Variants in APBA2 observed in about 807,000 individuals in gnomAD.
The protein encoded by APBA2 is amyloid beta precursor protein binding family A member 2, also known as amyloid-beta A4 precursor protein-binding family A member 2.
Under a neutral mutation model 75.0 loss-of-function variants are expected in APBA2, and 30 were observed. The observed-to-expected ratio is 0.40, with a 90% CI of 0.30 to 0.54. The LOEUF (loss-of-function observed/expected upper bound fraction) is 0.54, where lower values mean the gene tolerates loss of function less well. Among genes scored for constraint, APBA2 ranks in the 20% least tolerant of loss-of-function variants. The probability of loss-of-function intolerance (pLI) is 0.49; values close to 1 mark genes in which losing one functional copy is unlikely to be tolerated. For missense variants in APBA2, 801 were observed against 1,016.1 expected (o/e 0.79, Z 2.88); for synonymous variants, 444 against 409.6 (o/e 1.08, Z -1.01).
In APBA2 at chr15:28,963,060, G is replaced by T. The variant is rs529411496; in HGVS notation, c.-94-32693G>T. On this transcript the variant is annotated intron_variant, in intron 2 of 14. Transcript: ENST00000683413. ...CTAGGTGGGTGGCAGGTGCACTGGG[G>T]ACTGAATGGGATGCTGTGGCAGAGA... Among the ~76,000 whole-genome samples, 12 of 152,350 alleles carry T rather than the reference G, an allele frequency of 7.9e-5. No individual in the cohort carries two copies. The South Asian group carries it at 1.0e-3, about 13-fold the overall frequency.
At chr15:29,022,550 T>C (rs948632737) in intron 3 of APBA2, among the ~76,000 whole-genome samples, 1 of 152,206 alleles carries the variant, frequency 6.6e-6, no homozygotes, top group Non-Finnish European at 1.5e-5. Context: ...GCAAAGTTTA[T>C]AACCCATTCC....
At chr15:29,086,208 C>G (rs1484261409) in intron 6 of APBA2, among the ~76,000 whole-genome samples, 2 of 152,214 alleles carry the variant, frequency 1.3e-5, no homozygotes, top group African/African-American at 4.8e-5. Context: ...GGCCAGCGGC[C>G]TGGTGAGAGA....
intron 1 of APBA2, among the ~76,000 whole-genome samples, chr15:28,892,500 T>C (rs1417511808): frequency 6.6e-6 from 1 of 152,190 alleles, no homozygotes; most frequent in Admixed American, 6.5e-5. Context: ...CTGGGAGCAA[T>C]GGCCTGTAAC....
At chr15:29,039,995 G>A (rs12912104) in intron 3 of APBA2, among the ~76,000 whole-genome samples, 25,591 of 152,164 alleles carry the variant, frequency 0.17, 3,197 homozygotes, top group Non-Finnish European at 0.26. Flanking sequence ...GACTGATTTG[G>A]GAAATAGCAC....
intron 2 of APBA2, among the ~76,000 whole-genome samples, chr15:28,930,125 C>T (rs2034485193): frequency 6.6e-6 from 1 of 152,210 alleles, no homozygotes; most frequent in African/African-American, 2.4e-5. Flanking sequence ...CCTGACAGTG[C>T]AGCCCCCCAA....
chr15:28,906,621 C>T lies in APBA2; in HGVS notation c.-204-15019C>T, dbSNP rs184213233. 2.1e-3 allele frequency among the ~76,000 whole-genome samples: 315 copies of T among 152,260 alleles called. 3 individuals carry two copies. Among genetic ancestry groups the T allele is most frequent in the African/African-American group, 7.3e-3 (304 of 41,538 alleles). The stretch of plus-strand genomic sequence containing the variant: ...TAAATGATGCTGGTGTGTGGGGCAG[C>T]GGTGTCCCCACTGACACTCTCTGGA... On this transcript the variant is annotated intron_variant, in intron 1 of 14. Coordinates refer to ENST00000683413, the MANE Select transcript of APBA2 (RefSeq NM_001353788.2).
At chr15:29,113,227 G>A (rs893253731) in intron 13 of APBA2, among the ~76,000 whole-genome samples, 27 of 152,148 alleles carry the variant, frequency 1.8e-4, no homozygotes, top group African/African-American at 4.3e-4. Flanking sequence ...TCTGTTTGGC[G>A]TCACTTTTAG....
At chr15:29,103,866 C>T (rs117880400) in intron 10 of APBA2, among the ~76,000 whole-genome samples, 18,197 of 152,272 alleles carry the variant, frequency 0.12, 1,277 homozygotes, top group East Asian at 0.29. Context: ...GGGCGCTGCC[C>T]CCGGCCCTCC....
chr15:28,994,323 G>A (rs1348129654), intron 2 of APBA2, among the ~76,000 whole-genome samples: 2 of 152,146 alleles, frequency 1.3e-5, no homozygotes, highest in Admixed American at 1.3e-4. Context: ...TGCGGAAAGC[G>A]TGTGTGTGAT....
chr15:28,930,027 C>T lies in APBA2; in HGVS notation c.-95+8278C>T, dbSNP rs571935783. 2.0e-4 allele frequency among the ~76,000 whole-genome samples: 31 copies of T among 152,050 alleles called. 3 individuals carry two copies. The highest frequency in any genetic ancestry group is 1.8e-3 in the Admixed American group (27 of 15,286). ...ACCTAGAGGGTAAAACTGGCCCATT[C>T]GCATCTCTATAAAAACAGGTAGGAA... On this transcript the variant is annotated intron_variant, in intron 2 of 14. Coordinates refer to ENST00000683413, the MANE Select transcript of APBA2 (RefSeq NM_001353788.2).
chr15:28,943,750 T>TCCAGCCCTGGCTCCTCCAGCCCTGGCC (rs2035372638), intron 2 of APBA2, among the ~76,000 whole-genome samples: 1 of 152,026 alleles, frequency 6.6e-6, no homozygotes, highest in African/African-American at 2.4e-5. Context: ...CAGCCCTGGC[T>TCCAGCCCTGGCTCCTCCAGCCCTGGCC]CCTCCAGCCC....
chr15:28,905,467 A>G (rs1434151408), intron 1 of APBA2, among the ~76,000 whole-genome samples: 1 of 152,222 alleles, frequency 6.6e-6, no homozygotes, highest in East Asian at 1.9e-4. Context: ...AGAAGTCTTT[A>G]ATAACTAGAG....
At position 29,105,464 on chromosome 15, in the gene APBA2, A is replaced by C; in HGVS notation, c.1610A>C (p.Asp537Ala). 6.2e-7 allele frequency: 1 copy of C among 1,613,944 alleles called. No individual in the cohort carries two copies. Among genetic ancestry groups the C allele is most frequent in the Non-Finnish European group, 8.5e-7 (1 of 1,180,020 alleles). ...CGAGCCAATGGCATCAACCCCGAAG[A>C]CTTGAGCCAGAAGGAATACAGCGAC... ...FLRANGINPE[D>A]LSQKEYSDII... The change falls in exon 11 of 15, where the codon GAC (aspartate) becomes GCC (alanine). Residue 537 changes from aspartate to alanine, a missense_variant. Asp to Ala is a moderately radical substitution (Grantham distance 126). This residue lies in a region of APBA2 where 367 missense variants were observed against 544.5 expected (regional missense o/e 0.67). Transcript: ENST00000683413.
At chr15:28,955,930 T>C (rs2036145607) in intron 2 of APBA2, among the ~76,000 whole-genome samples, 1 of 152,124 alleles carries the variant, frequency 6.6e-6, no homozygotes, top group African/African-American at 2.4e-5. Flanking sequence ...CGTGGACCCG[T>C]AGCTCAGCAA....
intron 4 of APBA2, among the ~76,000 whole-genome samples, chr15:29,056,541 T>C (rs1041788816): frequency 2.5e-4 from 37 of 145,332 alleles, no homozygotes; most frequent in African/African-American, 8.7e-4. Flanking sequence ...CCCTCCCTCC[T>C]TTCTGTCCTT....
intron 2 of APBA2, among the ~76,000 whole-genome samples, chr15:28,968,094 C>T (rs548551132): frequency 1.9e-4 from 29 of 152,352 alleles, no homozygotes; most frequent in African/African-American, 5.3e-4. Flanking sequence ...GTTCTCGCAA[C>T]GTTGTAGTAA....
chr15:29,032,232 G>A (rs528576424), intron 3 of APBA2, among the ~76,000 whole-genome samples: 1 of 152,346 alleles, frequency 6.6e-6, no homozygotes, highest in South Asian at 2.1e-4. Flanking sequence ...CAGTTGATTT[G>A]CTCAAACACC....
chr15:29,081,722 A>G (rs908160991), intron 6 of APBA2, among the ~76,000 whole-genome samples: 3 of 152,268 alleles, frequency 2.0e-5, no homozygotes, highest in Admixed American at 2.0e-4. Flanking sequence ...GGAAACAGCA[A>G]TAGGTCCACC....
chr15:28,957,561 T>C (rs2036240767), intron 2 of APBA2, among the ~76,000 whole-genome samples: 2 of 152,260 alleles, frequency 1.3e-5, no homozygotes, highest in South Asian at 4.2e-4. Context: ...CCAACACTTG[T>C]TATTTTCTGG....
Sources: gnomAD v4.1 joint callset for allele counts (sites outside exome capture counted in the v4.1 genomes callset) on GRCh38, gnomAD v4.1.1 for gene constraint, gnomAD v4.1.1 regional missense constraint, MANE v1.5 for transcripts, NCBI Gene and HGNC (gene_info 2026-07-23, HGNC 2026-07-21) for gene names.